XKR3: variants seen among roughly 807,000 people sequenced by gnomAD.
XKR3 encodes the protein XK related 3.
Under a neutral mutation model 40.3 loss-of-function variants are expected in XKR3, and 27 were observed. The ratio of observed to expected loss-of-function variants is 0.67; its 90% CI spans 0.49 to 0.92. XKR3 has a LOEUF of 0.92. XKR3 is among the 40% of genes least tolerant of loss of function. The pLI, the probability that XKR3 is intolerant of heterozygous loss-of-function variation, is 0.00. For missense variants in XKR3, 472 were observed against 537.6 expected, an observed-to-expected ratio of 0.88 and a Z score of 1.21; for synonymous variants, 193 against 195.4, an observed-to-expected ratio of 0.99 and a Z score of 0.10.
intron 2 of XKR3, among the ~76,000 whole-genome samples, chr22:16,807,358 GATT>G (rs1478115012): frequency 2.0e-5 from 3 of 152,152 alleles, no homozygotes. Flanking sequence ...AAATTTATGA[GATT>G]ATTTTCAAGT....
chr22:16,807,680 C>T, intron 2 of XKR3, 59 bp downstream of exon 2: 1 of 1,374,556 alleles, frequency 7.3e-7, no homozygotes, highest in Non-Finnish European at 9.9e-7. Flanking sequence ...TTTTAGCCAT[C>T]TATTTATATT....
At chr22:16,793,318 A>G (rs1325656806) in intron 3 of XKR3, among the ~76,000 whole-genome samples, 3 of 152,196 alleles carry the variant, frequency 2.0e-5, no homozygotes, top group African/African-American at 2.4e-5. Flanking sequence ...GGCCCTCGTG[A>G]CTATTTTTTG....
At chr22:16,816,264 C>T (rs2060232766) in intron 1 of XKR3, among the ~76,000 whole-genome samples, 1 of 151,592 alleles carries the variant, frequency 6.6e-6, no homozygotes, top group South Asian at 2.1e-4. Flanking sequence ...TTGTTCAATC[C>T]CTCTCCCTAC....
At chr22:16,800,132 C>G in intron 2 of XKR3, 108 bp from the exon 3 acceptor site, 2 of 1,231,140 alleles carry the variant, frequency 1.6e-6, no homozygotes, top group Non-Finnish European at 2.2e-6. Context: ...ATTATACTAT[C>G]AAATGGCAAA....
intron 3 of XKR3, among the ~76,000 whole-genome samples, chr22:16,788,056 C>T (rs1191073485): frequency 6.6e-6 from 1 of 152,114 alleles, no homozygotes; most frequent in South Asian, 2.1e-4. Flanking sequence ...ATACATGGAA[C>T]ATTTTCCTGG....
chr22:16,813,294 A>G (rs1364542736), intron 1 of XKR3, among the ~76,000 whole-genome samples: 1 of 152,068 alleles, frequency 6.6e-6, no homozygotes, highest in Non-Finnish European at 1.5e-5. Context: ...AAAAAAAACA[A>G]AAAACAAAAA....
Position 16,783,808 on chromosome 22 carries a change from A to G in XKR3, c.1191T>C (p.Tyr397=). ...CTGACTGCCATGGGTACAAATACTGATAGAAGAGGAGCATAAAGCCAGTGG... is the reference window on the plus strand; with the variant it reads ...CTGACTGCCATGGGTACAAATACTGGTAGAAGAGGAGCATAAAGCCAGTGG... ...LLATGFMLLF[Y]QYLYPWQSGK... is the part of the protein sequence containing the mutation. Residue 397 remains tyrosine, a synonymous_variant, in exon 4 of 4, where the codon TAT becomes TAC. Coordinates refer to ENST00000684488, the MANE Select transcript of XKR3 (RefSeq NM_001386955.1). 1 of 1,614,210 alleles carries G rather than the reference A, an allele frequency of 6.2e-7. No homozygotes were observed. Among genetic ancestry groups the G allele is most frequent in the South Asian group, 1.1e-5 (1 of 91,080 alleles).
intron 3 of XKR3, among the ~76,000 whole-genome samples, chr22:16,788,393 TA>T (rs1296711327): frequency 7.3e-5 from 11 of 150,878 alleles, no homozygotes; most frequent in African/African-American, 2.4e-4. Flanking sequence ...AAATCAAAAG[TA>T]AAAAAAGTCA....
rs1050025720 is a variant in XKR3 at position 16,789,690 on chromosome 22, C to T, written c.590-5281G>A. Among the ~76,000 whole-genome samples the T allele has an allele frequency of 9.2e-5, 14 of 151,940 alleles. 1 individual carries two copies. The highest frequency in any genetic ancestry group is 6.2e-4 in the South Asian group (3 of 4,808). ...AAGAAATTCAAAATTAATATGAAAC[C>T]GCAGAAAAAAAACCTGAATAGCCAA... On this transcript the variant is annotated intron_variant, in intron 3 of 3. Coordinates refer to ENST00000684488, the MANE Select transcript of XKR3 (RefSeq NM_001386955.1).
intron 1 of XKR3, among the ~76,000 whole-genome samples, chr22:16,813,497 C>T (rs533228915): frequency 6.6e-6 from 1 of 152,096 alleles, no homozygotes; most frequent in East Asian, 1.9e-4. Context: ...GTAATTTGTC[C>T]AAATTCTTTA....
Position 16,784,016 on chromosome 22 carries a change from T to C in XKR3, c.983A>G (p.Gln328Arg), listed in dbSNP as rs1253398874. 1.2e-6 allele frequency: 2 copies of C among 1,614,256 alleles called. No individual in the cohort carries two copies. Among genetic ancestry groups the C allele is most frequent in the East Asian group, 4.5e-5 (2 of 44,892 alleles). The change falls in exon 4 of 4, where the codon CAG becomes CGG. Residue 328 changes from glutamine to arginine, a missense_variant. By Grantham distance (43) the Gln-to-Arg change is conservative. Transcript: ENST00000684488. ...GTCAATTATTTTGTCATCTGACAAC[T>C]GCAGTTTCACTGCTGACCAGCAGGA... The part of the protein sequence containing the change: ...NFSCWSAVKL[Q>R]LSDDKIIDGR...
chr22:16,798,072 TG>T (rs1569037949), intron 3 of XKR3, among the ~76,000 whole-genome samples: 1 of 149,508 alleles, frequency 6.7e-6, no homozygotes, highest in Non-Finnish European at 1.5e-5. Context: ...CACAGGTACC[TG>T]GGAGGCTGAG....
intron 2 of XKR3, 64 bp from the exon 3 acceptor site, chr22:16,800,088 A>G (rs1307553512): frequency 1.3e-6 from 2 of 1,553,802 alleles, no homozygotes; most frequent in Non-Finnish European, 1.7e-6. Flanking sequence ...GAAATATTTG[A>G]AAGTTTATCA....
intron 3 of XKR3, among the ~76,000 whole-genome samples, chr22:16,787,263 G>C (rs1381348329): frequency 1.3e-5 from 2 of 152,132 alleles, no homozygotes; most frequent in East Asian, 3.9e-4. Flanking sequence ...ATTAGTCACT[G>C]GTGTTCAAGG....
intron 1 of XKR3, 120 bp from the exon 2 acceptor site, chr22:16,808,203 G>T: frequency 1.5e-6 from 1 of 684,188 alleles, no homozygotes; most frequent in Non-Finnish European, 2.4e-6. Context: ...GGTAGATATG[G>T]ATCACTAATC....
intron 2 of XKR3, among the ~76,000 whole-genome samples, chr22:16,804,618 C>T (rs143672190): frequency 1.1e-4 from 17 of 152,026 alleles, no homozygotes; most frequent in Non-Finnish European, 2.5e-4. Context: ...CATTATAAGA[C>T]TTCAAAAGAA....
chr22:16,791,798 AGAGAGAGAGAGAGAAAG>A (rs2060119283), intron 3 of XKR3, among the ~76,000 whole-genome samples: 15 of 111,550 alleles, frequency 1.3e-4, no homozygotes, highest in East Asian at 9.0e-4. Flanking sequence ...AGAGAGAGAG[AGAGAGAGAGAGAGAAAG>A]AGAGAGAGAG....
At chr22:16,818,244 C>A (rs1382464626) in intron 1 of XKR3, among the ~76,000 whole-genome samples, 1 of 152,118 alleles carries the variant, frequency 6.6e-6, no homozygotes, top group Non-Finnish European at 1.5e-5. Flanking sequence ...CTTCCTAGGA[C>A]TTCCAGGTAC....
chr22:16,823,657 C>T (rs1238911623), intron 1 of XKR3, among the ~76,000 whole-genome samples: 1 of 152,174 alleles, frequency 6.6e-6, no homozygotes, highest in Non-Finnish European at 1.5e-5. Flanking sequence ...GACTAGTAAA[C>T]ATTTACTGTG....
Sources: gnomAD v4.1 joint callset for allele counts (sites outside exome capture counted in the v4.1 genomes callset) on GRCh38, gnomAD v4.1.1 for gene constraint, MANE v1.5 for transcripts, NCBI Gene and HGNC (gene_info 2026-07-23, HGNC 2026-07-21) for gene names.